Variants in KAZN observed in about 807,000 individuals in gnomAD.
The protein encoded by KAZN is kazrin, periplakin interacting protein, also known as kazrin.
Under a neutral mutation model 87.4 loss-of-function variants are expected in KAZN, and 40 were observed. The ratio of observed to expected loss-of-function variants is 0.46; its 90% CI spans 0.36 to 0.60. The LOEUF (loss-of-function observed/expected upper bound fraction) is 0.60, where lower values mean the gene tolerates loss of function less well. KAZN is among the 20% of genes least tolerant of loss of function. The pLI is 0.00. For missense variants in KAZN, 898 were observed against 1,073.9 expected, an observed-to-expected ratio of 0.84 and a Z score of 2.29; for synonymous variants, 466 against 458.3, an observed-to-expected ratio of 1.02 and a Z score of -0.22.
chr1:15,005,727 G>A (rs1382052653), intron 2 of KAZN, among the ~76,000 whole-genome samples: 1 of 152,002 alleles, frequency 6.6e-6, no homozygotes, highest in Non-Finnish European at 1.5e-5. Context: ...AGCAGAGGTG[G>A]CAGGGAGGTG....
At chr1:14,619,750 G>T (rs941470429) in intron 1 of KAZN, among the ~76,000 whole-genome samples, 1 of 152,122 alleles carries the variant, frequency 6.6e-6, no homozygotes, top group Non-Finnish European at 1.5e-5. Context: ...CTGTGGATTT[G>T]TTCATACTGG....
chr1:15,040,871 A>C (rs1672818439), intron 3 of KAZN, among the ~76,000 whole-genome samples: 1 of 152,040 alleles, frequency 6.6e-6, no homozygotes, highest in Non-Finnish European at 1.5e-5. Flanking sequence ...TTTCCCTGTC[A>C]CGTGACTGCA....
At chr1:14,914,577 T>C (rs2101422962) in intron 1 of KAZN, among the ~76,000 whole-genome samples, 1 of 152,322 alleles carries the variant, frequency 6.6e-6, no homozygotes, top group South Asian at 2.1e-4. Context: ...GCCGGCATCC[T>C]TGGACCTCAC....
intron 1 of KAZN, among the ~76,000 whole-genome samples, chr1:14,660,331 T>C (rs1365267892): frequency 1.3e-5 from 2 of 152,172 alleles, no homozygotes; most frequent in African/African-American, 2.4e-5. Flanking sequence ...TTCACATGTA[T>C]TTTCTCATTT....
chr1:14,474,298 G>A (rs927779183), intron 2 of KAZN, among the ~76,000 whole-genome samples: 2 of 151,776 alleles, frequency 1.3e-5, no homozygotes, highest in African/African-American at 2.4e-5. Context: ...AGGGGTAAAC[G>A]TACTTTAAAA....
At chr1:14,741,677 G>A (rs777409470) in intron 1 of KAZN, among the ~76,000 whole-genome samples, 2 of 152,152 alleles carry the variant, frequency 1.3e-5, no homozygotes, top group East Asian at 1.9e-4. Flanking sequence ...ACTTCCCCCC[G>A]GGGTTTCAAG....
intron 1 of KAZN, among the ~76,000 whole-genome samples, chr1:14,859,168 C>T (rs1650537400): frequency 6.6e-6 from 1 of 151,042 alleles, no homozygotes; most frequent in Admixed American, 6.6e-5. Context: ...GATTGCGCCA[C>T]TGCACTCACT....
intron 2 of KAZN, among the ~76,000 whole-genome samples, chr1:14,399,569 T>TC (rs1455144016): frequency 6.6e-6 from 1 of 152,082 alleles, no homozygotes; most frequent in Non-Finnish European, 1.5e-5. Context: ...TGAGATGGGC[T>TC]CACGAGTCAC....
At chr1:14,620,402 A>G (rs1360290285) in intron 1 of KAZN, among the ~76,000 whole-genome samples, 2 of 152,204 alleles carry the variant, frequency 1.3e-5, no homozygotes, top group African/African-American at 4.8e-5. Flanking sequence ...GCTTGTGATC[A>G]TTCCTATAAT....
At chr1:14,591,863 T>A (rs1256625573) in intron 2 of KAZN, among the ~76,000 whole-genome samples, 1 of 152,222 alleles carries the variant, frequency 6.6e-6, no homozygotes, top group South Asian at 2.1e-4. Context: ...TTCCATCTTA[T>A]AGCTGCTGGC....
rs35828417 is a variant in KAZN at position 13,978,129 on chromosome 1, C to CAAAAAAAAAA, written c.91+84386_91+84395dup. Among the ~76,000 whole-genome samples the CAAAAAAAAAA allele has an allele frequency of 6.1e-5, 5 of 82,120 alleles. 2 individuals are homozygous for CAAAAAAAAAA. Among genetic ancestry groups the CAAAAAAAAAA allele is most frequent in the Non-Finnish European group, 1.1e-4 (5 of 46,258 alleles). 53.9% of individuals were successfully genotyped at this position (82,120 alleles called of 152,430 possible). A position where few individuals can be genotyped will look rare whatever the true frequency, so the allele number is the denominator to read the frequency against. ...GGTGACAGAGCAAGACTCCATCTCA[C>CAAAAAAAAAA]AAAAAAAAAAAAAAAAAAAAAAGGC... On this transcript the variant is annotated intron_variant, in intron 1 of 16. Transcript: ENST00000636203.
chr1:15,079,771 C>T (rs1471272793), intron 8 of KAZN, among the ~76,000 whole-genome samples: 1 of 152,132 alleles, frequency 6.6e-6, no homozygotes, highest in Non-Finnish European at 1.5e-5. Context: ...CCCAAGGAGG[C>T]CAGCAGCTGG....
At chr1:14,395,919 A>G (rs972844374) in intron 2 of KAZN, among the ~76,000 whole-genome samples, 1 of 152,126 alleles carries the variant, frequency 6.6e-6, no homozygotes, top group African/African-American at 2.4e-5. Flanking sequence ...CTGTAATCCC[A>G]GCACTTTGGG....
intron 4 of KAZN, among the ~76,000 whole-genome samples, chr1:15,050,218 T>C (rs191943568): frequency 2.0e-5 from 3 of 147,884 alleles, no homozygotes; most frequent in Non-Finnish European, 4.5e-5. Context: ...TAGAATAGAA[T>C]AGAACCTTCC....
intron 2 of KAZN, among the ~76,000 whole-genome samples, chr1:14,556,408 G>A (rs969297215): frequency 5.3e-5 from 8 of 151,956 alleles, no homozygotes; most frequent in African/African-American, 1.7e-4. Flanking sequence ...CGTGCCCGGC[G>A]GGGGAAGAGC....
chr1:14,268,669 T>C (rs1373592032), intron 2 of KAZN, among the ~76,000 whole-genome samples: 1 of 152,178 alleles, frequency 6.6e-6, no homozygotes, highest in East Asian at 1.9e-4. Flanking sequence ...TGATGATATA[T>C]ATGTATATAT....
At chr1:13,923,914 C>T (rs12030565) in intron 1 of KAZN, among the ~76,000 whole-genome samples, 1 of 151,314 alleles carries the variant, frequency 6.6e-6, no homozygotes, top group South Asian at 2.1e-4. Flanking sequence ...GGATTGAATG[C>T]TGGGGAGTGA....
intron 1 of KAZN, among the ~76,000 whole-genome samples, chr1:14,671,384 A>G (rs1382534505): frequency 6.6e-6 from 1 of 152,214 alleles, no homozygotes; most frequent in Non-Finnish European, 1.5e-5. Flanking sequence ...AGTGAATGGC[A>G]GAGTCTTTGG....
Position 15,044,060 on chromosome 1 carries a change from G to T in KAZN, c.627G>T (p.Arg209=). The T allele has an allele frequency of 6.2e-7, 1 of 1,612,762 alleles. No individual in the cohort carries two copies. The highest frequency in any genetic ancestry group is 8.5e-7 in the Non-Finnish European group (1 of 1,179,816). Reference sequence around the variant, plus strand: ...TGGAGCGTGAGAAGTGGGAGCTGCGGCGCCAAGCCAAGGAGGCCACAGACC... The same window carrying T: ...TGGAGCGTGAGAAGTGGGAGCTGCGTCGCCAAGCCAAGGAGGCCACAGACC... ...DLLEREKWEL[R]RQAKEATDHA... is the part of the protein sequence containing the mutation. The change falls in exon 4 of 15, where the codon CGG becomes CGT. Residue 209 remains arginine (R), a synonymous_variant. Transcript: ENST00000376030.
Sources: gnomAD v4.1 joint callset for allele counts (sites outside exome capture counted in the v4.1 genomes callset) on GRCh38, gnomAD v4.1.1 for gene constraint, MANE v1.5 for transcripts, NCBI Gene and HGNC (gene_info 2026-07-23, HGNC 2026-07-21) for gene names.